The following CCDC141 variants were observed in gnomAD, a reference collection of about 807,000 sequenced individuals.
CCDC141 encodes coiled-coil domain containing 141.
A neutral mutation model predicts 181.0 loss-of-function variants in CCDC141; 168 were observed. The observed-to-expected ratio is 0.93, with a 90% CI of 0.82 to 1.05. The LOEUF is 1.05. Ranked by LOEUF, CCDC141 falls within the 50% of genes least tolerant of loss-of-function variation. The pLI, the probability that CCDC141 is intolerant of heterozygous loss-of-function variation, is 0.00. For missense variants in CCDC141, 1,902 were observed against 1,788.5 expected (o/e 1.06, Z -1.14); for synonymous variants, 666 against 642.3 (o/e 1.04, Z -0.56).
chr2:178,885,189 A>G, intron 10 of CCDC141, 97 bp from the exon 11 acceptor site: 1 of 730,086 alleles, frequency 1.4e-6, no homozygotes, highest in South Asian at 2.6e-5. Flanking sequence ...ATGATCACTA[A>G]TTGAACTTAT....
chr2:179,047,394 C>A lies in CCDC141; in HGVS notation c.115G>T (p.Val39Leu). The A allele has an allele frequency of 6.6e-7, 1 of 1,514,288 alleles. No individual in the cohort carries two copies. The highest frequency in any genetic ancestry group is 8.8e-7 in the Non-Finnish European group (1 of 1,134,582). The allele number at this position is 1,514,288 out of a possible 1,614,324, so 93.8% of individuals were successfully genotyped here. Residue 39 changes from valine to leucine, a missense_variant, in exon 2 of 24, where the codon GTA (valine) becomes TTA (leucine). By Grantham distance (32) the Val-to-Leu change is conservative. Coordinates refer to ENST00000443758, the MANE Select transcript of CCDC141 (RefSeq NM_173648.4). Reference sequence around the variant, plus strand: ...TGTGATTCAGCCAGTTGAAGTTGTACCCATTTGCCACACTAAAAATAAAAA... The same window carrying A: ...TGTGATTCAGCCAGTTGAAGTTGTAACCATTTGCCACACTAAAAATAAAAA... The part of the protein sequence containing the change: ...VIAVIKCGKW[V>L]QLQLAESQPN...
At chr2:178,861,373 C>T (rs780570573) in intron 17 of CCDC141, among the ~76,000 whole-genome samples, 10 of 152,044 alleles carry the variant, frequency 6.6e-5, no homozygotes, top group South Asian at 2.1e-4. Flanking sequence ...CAGTGGCTCA[C>T]GCCTGTAATC....
Position 179,049,192 on chromosome 2 carries a change from G to C in CCDC141, c.102+648C>G, listed in dbSNP as rs553502104. Reference sequence around the variant, plus strand: ...CAAATGGGTTGTCATAAAACATGCAGTAATTGTAAACCCTAAGTGGCTTCT... The same window carrying C: ...CAAATGGGTTGTCATAAAACATGCACTAATTGTAAACCCTAAGTGGCTTCT... On this transcript the variant is annotated intron_variant, in intron 1 of 23. Transcript: ENST00000443758. Among the ~76,000 whole-genome samples the C allele has an allele frequency of 4.6e-5, 7 of 152,320 alleles. No individual in the cohort carries two copies. In the South Asian group the frequency reaches 1.5e-3, roughly 32 times the overall value.
chr2:178,914,718 T>C (rs1342098778), intron 7 of CCDC141, among the ~76,000 whole-genome samples: 3 of 152,202 alleles, frequency 2.0e-5, no homozygotes, highest in Non-Finnish European at 2.9e-5. Context: ...TTTAGAACAA[T>C]GCCTGACACA....
chr2:178,947,083 A>G (rs1241173151), intron 5 of CCDC141, among the ~76,000 whole-genome samples: 1 of 152,226 alleles, frequency 6.6e-6, no homozygotes, highest in Non-Finnish European at 1.5e-5. Context: ...GGATGCACAC[A>G]AAATAGGCTC....
intron 6 of CCDC141, among the ~76,000 whole-genome samples, chr2:178,941,798 A>C (rs1238130557): frequency 1.3e-5 from 2 of 150,838 alleles, no homozygotes; most frequent in African/African-American, 2.4e-5. Context: ...ACAAAAAAAA[A>C]ATAAAAACAA....
At chr2:178,851,205 C>CA (rs3045634) in intron 20 of CCDC141, among the ~76,000 whole-genome samples, 13,602 of 103,644 alleles carry the variant, frequency 0.13, 791 homozygotes, top group Non-Finnish European at 0.16. Flanking sequence ...GACTTTGTCT[C>CA]AAAAAAAAAA....
chr2:178,943,883 A>G (rs2366918), intron 6 of CCDC141, among the ~76,000 whole-genome samples: 2,203 of 152,262 alleles, frequency 0.014, 155 homozygotes, highest in Admixed American at 0.12. Flanking sequence ...AATGCATTCT[A>G]TATACCTATA....
intron 8 of CCDC141, among the ~76,000 whole-genome samples, chr2:178,901,653 C>T (rs1331462965): frequency 6.6e-6 from 1 of 151,742 alleles, no homozygotes; most frequent in Non-Finnish European, 1.5e-5. Flanking sequence ...CAATATCATA[C>T]TGAATGGGCA....
intron 2 of CCDC141, among the ~76,000 whole-genome samples, chr2:179,015,269 A>ATG (rs1168777683): frequency 7.3e-6 from 1 of 136,920 alleles, no homozygotes; most frequent in Admixed American, 7.6e-5. Context: ...TATATCATAT[A>ATG]TATCTCATCT....
chr2:179,013,706 G>A (rs1258547513), intron 2 of CCDC141, among the ~76,000 whole-genome samples: 1 of 152,008 alleles, frequency 6.6e-6, no homozygotes, highest in Non-Finnish European at 1.5e-5. Flanking sequence ...AGTGGCTCAT[G>A]CCTATAATTC....
intron 2 of CCDC141, among the ~76,000 whole-genome samples, chr2:178,990,360 T>C (rs1239011100): frequency 2.0e-5 from 3 of 151,818 alleles, no homozygotes; most frequent in African/African-American, 7.3e-5. Flanking sequence ...TTAAAGCATA[T>C]GTCCACACAA....
chr2:179,024,250 T>C (rs555133986), intron 2 of CCDC141, among the ~76,000 whole-genome samples: 2 of 152,334 alleles, frequency 1.3e-5, no homozygotes, highest in African/African-American at 2.4e-5. Flanking sequence ...CTCAGAACTG[T>C]TGCAAGCAAG....
intron 2 of CCDC141, among the ~76,000 whole-genome samples, chr2:179,046,274 A>T (rs999581857): frequency 6.6e-6 from 1 of 152,234 alleles, no homozygotes; most frequent in Non-Finnish European, 1.5e-5. Context: ...CTCAGAATGG[A>T]ACACCATTTA....
intron 2 of CCDC141, among the ~76,000 whole-genome samples, chr2:178,982,763 TA>T (rs1373433783): frequency 6.6e-6 from 1 of 152,080 alleles, no homozygotes; most frequent in Admixed American, 6.5e-5. Context: ...CTGACGGGCT[TA>T]AAAAAAGGCG....
chr2:178,898,199 G>C (rs957613471), intron 8 of CCDC141, among the ~76,000 whole-genome samples: 5 of 152,170 alleles, frequency 3.3e-5, no homozygotes, highest in African/African-American at 1.2e-4. Flanking sequence ...CTCAGGAATA[G>C]ATTAGTTCCC....
intron 16 of CCDC141, among the ~76,000 whole-genome samples, chr2:178,866,705 GT>G (rs1685869258): frequency 6.6e-6 from 1 of 151,904 alleles, no homozygotes; most frequent in African/African-American, 2.4e-5. Context: ...TGTTGTTGTT[GT>G]TGTTTCTGTT....
At chr2:178,881,557 G>A (rs1183639404) in intron 11 of CCDC141, among the ~76,000 whole-genome samples, 1 of 152,088 alleles carries the variant, frequency 6.6e-6, no homozygotes, top group Non-Finnish European at 1.5e-5. Flanking sequence ...TAGCTTAAAA[G>A]AACGTTTTTA....
intron 2 of CCDC141, among the ~76,000 whole-genome samples, chr2:178,982,433 T>A (rs531879983): frequency 6.6e-6 from 1 of 152,072 alleles, no homozygotes; most frequent in Non-Finnish European, 1.5e-5. Context: ...CTAAAAATCA[T>A]TACTGAAAGA....
Sources: gnomAD v4.1 joint callset for allele counts (sites outside exome capture counted in the v4.1 genomes callset) on GRCh38, gnomAD v4.1.1 for gene constraint, MANE v1.5 for transcripts, NCBI Gene and HGNC (gene_info 2026-07-23, HGNC 2026-07-21) for gene names.